Variants in DNAJC17 observed in about 807,000 individuals in gnomAD.
DNAJC17 encodes the protein dnaJ homolog subfamily C member 17.
A neutral mutation model predicts 48.1 loss-of-function variants in DNAJC17; 35 were observed. The observed-to-expected ratio is 0.73, with a 90% CI of 0.56 to 0.96. The LOEUF (loss-of-function observed/expected upper bound fraction) is 0.96, where lower values mean the gene tolerates loss of function less well. Among genes scored for constraint, DNAJC17 ranks in the 50% least tolerant of loss-of-function variants. DNAJC17 has a pLI of 0.00. For synonymous variants in DNAJC17, 117 were observed against 142.7 expected (o/e 0.82, Z 1.28); for missense variants, 355 against 377.1 (o/e 0.94, Z 0.48).
Position 40,776,297 on chromosome 15 carries a change from A to G in DNAJC17, c.382-5T>C. 1 of 1,613,792 alleles carries G rather than the reference A, an allele frequency of 6.2e-7. No individual in the cohort carries two copies. The highest frequency in any genetic ancestry group is 8.5e-7 in the Non-Finnish European group (1 of 1,179,864). ...CTCTTCTCTCAGGCGTTCGATCTGC[A>G]GAGCAGGGGGTGGGGGTGACAATTC... is the stretch of plus-strand genomic sequence containing the variant. On this transcript the variant is annotated splice_polypyrimidine_tract_variant and splice_region_variant and intron_variant, in intron 5 of 10. Transcript: ENST00000220496.
chr15:40,798,515 A>G (rs1365623314), intron 1 of DNAJC17, among the ~76,000 whole-genome samples: 1 of 152,226 alleles, frequency 6.6e-6, no homozygotes, highest in Non-Finnish European at 1.5e-5. Flanking sequence ...ATTTTGCGTT[A>G]AATACATTAT....
intron 7 of DNAJC17, 141 bp from the exon 8 acceptor site, chr15:40,775,249 A>G (rs1173272543): frequency 1.0e-6 from 1 of 961,182 alleles, no homozygotes; most frequent in Non-Finnish European, 1.6e-6. Context: ...CACCAGAAAC[A>G]TTTTCCCCTT....
At chr15:40,774,291 G>C in intron 9 of DNAJC17, 65 bp downstream of exon 9, 1 of 1,570,332 alleles carries the variant, frequency 6.4e-7, no homozygotes, top group Non-Finnish European at 8.8e-7. Flanking sequence ...AGGGCCCACA[G>C]AATTGGGTCC....
At chr15:40,784,421 T>G (rs1889588996) in intron 1 of DNAJC17, among the ~76,000 whole-genome samples, 1 of 152,178 alleles carries the variant, frequency 6.6e-6, no homozygotes, top group South Asian at 2.1e-4. Context: ...AAAATAAAAT[T>G]ATTCAAGCTG....
chr15:40,776,759 T>C (rs1431805975), intron 4 of DNAJC17, 132 bp from the exon 5 acceptor site: 2 of 809,624 alleles, frequency 2.5e-6, no homozygotes, highest in Admixed American at 2.1e-5. Flanking sequence ...GCCCCCTCCC[T>C]CCATGCCCAC....
At chr15:40,781,139 G>A (rs527956442) in intron 1 of DNAJC17, among the ~76,000 whole-genome samples, 29 of 136,464 alleles carry the variant, frequency 2.1e-4, no homozygotes, top group South Asian at 1.2e-3. Flanking sequence ...GGACAAGAGC[G>A]AGACTCCATC....
rs1889281667 is a variant in DNAJC17 at position 40,775,065 on chromosome 15, T to G, written c.566A>C (p.Tyr189Ser). 6.2e-7 allele frequency: 1 copy of G among 1,613,896 alleles called. No individual in the cohort carries two copies. Among genetic ancestry groups the G allele is most frequent in the Admixed American group, 1.7e-5 (1 of 59,986 alleles). Residue 189 changes from tyrosine to serine, a missense_variant, in exon 8 of 11, where the codon TAC becomes TCC. By Grantham distance (144) the Tyr-to-Ser change is moderately radical (BLOSUM62 -2). Around this residue, in one of 3 missense-constraint regions of DNAJC17, gnomAD observed 68 missense variants for 109.5 expected, o/e 0.62. Coordinates refer to ENST00000220496, the MANE Select transcript of DNAJC17 (RefSeq NM_018163.3). ...CKKEDESKGG[Y>S]SKDVLLRLLQ... ...AAGCCGTAGGAGGACGTCTTTGGAG[T>G]AGCCACCTTTTGACTCATCCTCCTT...
At chr15:40,794,555 C>T (rs374843959) in intron 1 of DNAJC17, among the ~76,000 whole-genome samples, 29 of 151,928 alleles carry the variant, frequency 1.9e-4, no homozygotes, top group Non-Finnish European at 2.2e-4. Flanking sequence ...ACCTGTAAGC[C>T]GAGCTACTCA....
chr15:40,801,704 C>G (rs1418421694), intron 1 of DNAJC17, among the ~76,000 whole-genome samples: 2 of 144,854 alleles, frequency 1.4e-5, no homozygotes, highest in Non-Finnish European at 3.0e-5. Flanking sequence ...AGCCACTGCA[C>G]TCCAGCCTGG....
At chr15:40,804,130 C>CTT (rs138636860) in intron 1 of DNAJC17, among the ~76,000 whole-genome samples, 1 of 146,982 alleles carries the variant, frequency 6.8e-6, no homozygotes, top group African/African-American at 2.6e-5. Flanking sequence ...CCCTGCCCAG[C>CTT]TTTTTTTTTT....
At chr15:40,783,955 G>A (rs1372568331) in intron 1 of DNAJC17, among the ~76,000 whole-genome samples, 2 of 152,128 alleles carry the variant, frequency 1.3e-5, no homozygotes, top group East Asian at 1.9e-4. Context: ...GGCTGGGTGT[G>A]GTGGCTCACG....
intron 6 of DNAJC17, 148 bp from the exon 7 acceptor site, chr15:40,775,744 G>A (rs1889301469): frequency 7.5e-6 from 6 of 804,080 alleles, no homozygotes; most frequent in Non-Finnish European, 1.0e-5. Context: ...GGCCTGGTGG[G>A]GAAAGCAGAT....
chr15:40,768,531 T>C (rs1479525656), intron 10 of DNAJC17, among the ~76,000 whole-genome samples: 1 of 152,176 alleles, frequency 6.6e-6, no homozygotes, highest in African/African-American at 2.4e-5. Context: ...TGCCCTGTGG[T>C]CTGGCTCTTG....
In DNAJC17 at chr15:40,770,370, G is replaced by C. The variant is rs563854441; in HGVS notation, c.793-2308C>G. On this transcript the variant is annotated intron_variant, in intron 10 of 10. Coordinates refer to ENST00000220496, the MANE Select transcript of DNAJC17 (RefSeq NM_018163.3). The surrounding 1 kb of genome is among the most constrained non-coding windows in gnomAD (Gnocchi z 5.0). Reference sequence around the variant, plus strand: ...CAAGATGTGGTCAAAGGTCTGTGCTGAGTGGAAACCCTGAGGCCTCTGCTC... The same window carrying C: ...CAAGATGTGGTCAAAGGTCTGTGCTCAGTGGAAACCCTGAGGCCTCTGCTC... The C allele has an allele frequency of 3.3e-6, 3 of 909,622 alleles. No individual in the cohort carries two copies. In the Admixed American group the frequency reaches 8.7e-5, roughly 26 times the overall value. 56.3% of individuals were successfully genotyped at this position (909,622 alleles called of 1,614,324 possible). A position where few individuals can be genotyped will look rare whatever the true frequency, so the allele number is the denominator to read the frequency against.
intron 7 of DNAJC17, 110 bp downstream of exon 7, chr15:40,775,443 C>T (rs534078681): frequency 5.8e-5 from 73 of 1,262,510 alleles, no homozygotes; most frequent in Admixed American, 9.0e-5. Flanking sequence ...GCGGGCTCCA[C>T]GCAGATCCAG....
chr15:40,802,978 C>T (rs923698916), intron 1 of DNAJC17, among the ~76,000 whole-genome samples: 1 of 151,992 alleles, frequency 6.6e-6, no homozygotes, highest in Non-Finnish European at 1.5e-5. Context: ...CGGTGCACAC[C>T]TGTGGTCCCA....
intron 8 of DNAJC17, 162 bp downstream of exon 8, chr15:40,774,869 A>C (rs2141948262): frequency 2.8e-6 from 2 of 715,892 alleles, no homozygotes; most frequent in South Asian, 3.7e-5. Flanking sequence ...GCAAGGCTGT[A>C]GCCTGGGGAG....
intron 1 of DNAJC17, among the ~76,000 whole-genome samples, chr15:40,797,393 G>C (rs1363909509): frequency 6.6e-6 from 1 of 151,796 alleles, no homozygotes; most frequent in Non-Finnish European, 1.5e-5. Context: ...AATTCATAAA[G>C]TAGGGACTCA....
intron 10 of DNAJC17, chr15:40,771,199 C>T: frequency 3.0e-6 from 2 of 661,740 alleles, no homozygotes; most frequent in Non-Finnish European, 5.2e-6. Context: ...TCTCTGGGTC[C>T]TGGACAGTCC....
Sources: allele counts gnomAD v4.1 joint callset (sites outside exome capture counted in the v4.1 genomes callset), GRCh38; gene constraint gnomAD v4.1.1; regional missense constraint gnomAD v4.1.1; non-coding constraint Gnocchi (gnomAD v3.1); transcripts MANE v1.5; gene names NCBI Gene and HGNC (gene_info 2026-07-23, HGNC 2026-07-21).